The following R3HCC1L variants were observed in gnomAD, a reference collection of about 807,000 sequenced individuals.
R3HCC1L encodes the protein R3H domain and coiled-coil containing 1 like.
R3HCC1L carries 51 observed loss-of-function variants against 59.9 expected under a neutral mutation model. The ratio of observed to expected loss-of-function variants is 0.85; its 90% CI spans 0.68 to 1.07. The LOEUF is 1.07. Among genes scored for constraint, R3HCC1L ranks in the 50% least tolerant of loss-of-function variants. The probability of loss-of-function intolerance (pLI) is 0.00; values close to 1 mark genes in which losing one functional copy is unlikely to be tolerated. For missense variants in R3HCC1L, 965 were observed against 933.0 expected (o/e 1.03, Z -0.45); for synonymous variants, 322 against 315.2 (o/e 1.02, Z -0.23).
At chr10:98,200,825 T>G (rs1387412260) in intron 4 of R3HCC1L, among the ~76,000 whole-genome samples, 1 of 152,086 alleles carries the variant, frequency 6.6e-6, no homozygotes, top group Admixed American at 6.5e-5. Context: ...CCTTTAACAT[T>G]AAAGAAAATG....
At chr10:98,225,055 A>C in intron 5 of R3HCC1L, among the ~76,000 whole-genome samples, 1 of 152,190 alleles carries the variant, frequency 6.6e-6, no homozygotes, top group South Asian at 2.1e-4. Context: ...AAATTATTAA[A>C]GACATTTTTT....
chr10:98,236,349 T>C (rs1856959771), intron 9 of R3HCC1L, among the ~76,000 whole-genome samples, 185 bp downstream of exon 9: 1 of 152,236 alleles, frequency 6.6e-6, no homozygotes, highest in African/African-American at 2.4e-5. Context: ...TCTGCCTGTT[T>C]CACGCACCAA....
intron 4 of R3HCC1L, among the ~76,000 whole-genome samples, chr10:98,168,035 C>G (rs1848127376): frequency 6.6e-6 from 1 of 152,076 alleles, no homozygotes; most frequent in Non-Finnish European, 1.5e-5. Flanking sequence ...CAGTTAAACC[C>G]AGAATAGACC....
At chr10:98,153,081 T>TA (rs1846429518) in intron 1 of R3HCC1L, among the ~76,000 whole-genome samples, 1 of 152,144 alleles carries the variant, frequency 6.6e-6, no homozygotes, top group African/African-American at 2.4e-5. Flanking sequence ...GAGGAGCCCC[T>TA]ATACCCGGCC....
At chr10:98,183,331 C>CTT (rs35199381) in intron 4 of R3HCC1L, among the ~76,000 whole-genome samples, 1,782 of 138,190 alleles carry the variant, frequency 0.013, 38 homozygotes, top group African/African-American at 0.039. Flanking sequence ...TGTATTGTGT[C>CTT]TTTTTTTTTT....
At chr10:98,193,449 C>G (rs1236946728) in intron 4 of R3HCC1L, among the ~76,000 whole-genome samples, 1 of 152,024 alleles carries the variant, frequency 6.6e-6, no homozygotes, top group Admixed American at 6.6e-5. Context: ...AATCAACTCT[C>G]CAAAATCACT....
At position 98,209,610 on chromosome 10, in the gene R3HCC1L, T is replaced by G. The variant is rs1217025114; in HGVS notation, c.1496T>G (p.Val499Gly). ...SELSMLNGTK[V>G]LSDSAVGIDL... ...CTCAGTATGTTAAATGGGACAAAAGTTCTTTCAGACAGTGCCGTGGGCATT... is the reference window on the plus strand; with the variant it reads ...CTCAGTATGTTAAATGGGACAAAAGGTCTTTCAGACAGTGCCGTGGGCATT... The change falls in exon 5 of 10, where the codon GTT (valine) becomes GGT (glycine). Residue 499 changes from valine (V) to glycine (G), a missense_variant. Coordinates refer to ENST00000298999, the MANE Select transcript of R3HCC1L (RefSeq NM_001351015.2). 6 of 1,613,966 alleles carry G rather than the reference T, an allele frequency of 3.7e-6. No individual in the cohort carries two copies. Among genetic ancestry groups the G allele is most frequent in the Non-Finnish European group, 5.1e-6 (6 of 1,179,988 alleles).
At chr10:98,240,566 A>G (rs1201657284) in intron 9 of R3HCC1L, among the ~76,000 whole-genome samples, 1 of 152,280 alleles carries the variant, frequency 6.6e-6, no homozygotes, top group Non-Finnish European at 1.5e-5. Flanking sequence ...CAAAGTAAGT[A>G]AACAGTAGCC....
intron 9 of R3HCC1L, among the ~76,000 whole-genome samples, chr10:98,240,042 A>G (rs1002008310): frequency 3.3e-5 from 5 of 151,990 alleles, no homozygotes; most frequent in Non-Finnish European, 7.4e-5. Flanking sequence ...ATGGTGGCTC[A>G]CTCCTGTAAT....
intron 4 of R3HCC1L, among the ~76,000 whole-genome samples, chr10:98,179,912 C>T (rs1212595251): frequency 6.6e-6 from 1 of 152,122 alleles, no homozygotes; most frequent in African/African-American, 2.4e-5. Context: ...GTGGTGATAT[C>T]CCATTTATCA....
intron 1 of R3HCC1L, among the ~76,000 whole-genome samples, chr10:98,148,165 A>C (rs972743251): frequency 1.3e-5 from 2 of 151,970 alleles, no homozygotes; most frequent in African/African-American, 4.8e-5. Context: ...TGCAAATGGG[A>C]TTGCTTCCTT....
At chr10:98,221,686 T>G (rs1389332628) in intron 5 of R3HCC1L, among the ~76,000 whole-genome samples, 1 of 152,032 alleles carries the variant, frequency 6.6e-6, no homozygotes, top group Non-Finnish European at 1.5e-5. Context: ...ATCAGATAGT[T>G]GTAGATATGC....
At chr10:98,221,504 T>G (rs2135467094) in intron 5 of R3HCC1L, among the ~76,000 whole-genome samples, 1 of 151,902 alleles carries the variant, frequency 6.6e-6, no homozygotes, top group Non-Finnish European at 1.5e-5. Context: ...AGGGTTTTTA[T>G]GTTTTAGGTC....
At chr10:98,211,729 T>C (rs1224752445) in intron 5 of R3HCC1L, among the ~76,000 whole-genome samples, 1 of 152,106 alleles carries the variant, frequency 6.6e-6, no homozygotes, top group African/African-American at 2.4e-5. Flanking sequence ...AGTTGGGGGC[T>C]CTGTCTTTTT....
intron 6 of R3HCC1L, 93 bp downstream of exon 6, chr10:98,231,780 C>T (rs1208949028): frequency 5.4e-6 from 7 of 1,292,312 alleles, no homozygotes; most frequent in East Asian, 4.9e-5. Flanking sequence ...TTTTATATCC[C>T]GTTTTTCATA....
At chr10:98,220,071 A>C (rs1457119036) in intron 5 of R3HCC1L, among the ~76,000 whole-genome samples, 3 of 151,906 alleles carry the variant, frequency 2.0e-5, no homozygotes, top group Non-Finnish European at 4.4e-5. Context: ...TATTCTGTTT[A>C]TTTATTTTCT....
chr10:98,157,784 T>C (rs1327114857), intron 2 of R3HCC1L, among the ~76,000 whole-genome samples: 1 of 152,258 alleles, frequency 6.6e-6, no homozygotes, highest in Non-Finnish European at 1.5e-5. Context: ...CAAAATTATA[T>C]GTGTAGGTGT....
At chr10:98,217,362 C>A (rs1208646670) in intron 5 of R3HCC1L, among the ~76,000 whole-genome samples, 1 of 151,998 alleles carries the variant, frequency 6.6e-6, no homozygotes, top group Non-Finnish European at 1.5e-5. Context: ...CTATTCTGTT[C>A]CATTGGTCTG....
At chr10:98,171,187 G>T (rs942295546) in intron 4 of R3HCC1L, among the ~76,000 whole-genome samples, 3 of 152,190 alleles carry the variant, frequency 2.0e-5, no homozygotes, top group Non-Finnish European at 2.9e-5. Context: ...CAAGGTTCCA[G>T]TCTTGCATTG....
Sources: allele counts gnomAD v4.1 joint callset (sites outside exome capture counted in the v4.1 genomes callset), GRCh38; gene constraint gnomAD v4.1.1; transcripts MANE v1.5; gene names NCBI Gene and HGNC (gene_info 2026-07-23, HGNC 2026-07-21).